PARD3B: variants seen among roughly 807,000 people sequenced by gnomAD.
PARD3B encodes the protein par-3 family cell polarity regulator beta.
Under a neutral mutation model 130.2 loss-of-function variants are expected in PARD3B, and 103 were observed. The observed-to-expected ratio is 0.79, with a 90% CI of 0.67 to 0.93. PARD3B has a LOEUF of 0.93. Ranked by LOEUF, PARD3B falls within the 40% of genes least tolerant of loss-of-function variation. The probability of loss-of-function intolerance (pLI) is 0.00; values close to 1 mark genes in which losing one functional copy is unlikely to be tolerated. For missense variants in PARD3B, 1,609 were observed against 1,499.2 expected (o/e 1.07, Z -1.21); for synonymous variants, 583 against 553.2 (o/e 1.05, Z -0.76).
chr2:204,894,434 G>A (rs1318658103), intron 2 of PARD3B, among the ~76,000 whole-genome samples: 2 of 151,096 alleles, frequency 1.3e-5, no homozygotes, highest in East Asian at 3.9e-4. Flanking sequence ...TATAGTGACA[G>A]GCATTTTTAC....
At chr2:204,990,291 G>C (rs1182566027) in intron 3 of PARD3B, among the ~76,000 whole-genome samples, 2 of 150,914 alleles carry the variant, frequency 1.3e-5, no homozygotes, top group East Asian at 2.0e-4. Context: ...ATAATTGTAC[G>C]TATTTTTGGA....
chr2:205,298,463 T>C (rs914893269), intron 16 of PARD3B, among the ~76,000 whole-genome samples: 2 of 147,958 alleles, frequency 1.4e-5, no homozygotes, highest in Admixed American at 1.4e-4. Flanking sequence ...GACTTGCAAG[T>C]AACACCTGAA....
intron 19 of PARD3B, among the ~76,000 whole-genome samples, chr2:205,436,148 A>G (rs769418462): frequency 2.0e-5 from 3 of 152,212 alleles, no homozygotes; most frequent in Admixed American, 1.3e-4. Context: ...TAGCCCATTT[A>G]TAAGATGTTA....
At chr2:204,547,472 T>A (rs972484380) in intron 1 of PARD3B, among the ~76,000 whole-genome samples, 1 of 152,100 alleles carries the variant, frequency 6.6e-6, no homozygotes, top group East Asian at 1.9e-4. Context: ...TGCAATGTTA[T>A]GTGTGTGTGT....
rs1490711672 is a variant in PARD3B at position 205,563,908 on chromosome 2, C to T, written c.3260+10505C>T. Among the ~76,000 whole-genome samples, 1 of 152,182 alleles carries T rather than the reference C, an allele frequency of 6.6e-6. No homozygotes were observed. Among genetic ancestry groups the T allele is most frequent in the Non-Finnish European group, 1.5e-5 (1 of 68,038 alleles). On this transcript the variant is annotated intron_variant, in intron 22 of 22. Coordinates refer to ENST00000406610, the MANE Select transcript of PARD3B (RefSeq NM_001302769.2). This position sits in a 1 kb window ranked among gnomAD's most constrained non-coding sequence, Gnocchi z 4.2. The stretch of plus-strand genomic sequence containing the variant: ...AGCCCCTAGATTGCACTCTGCACCA[C>T]TCCTCCACAGAACACTCAGAACAAG...
chr2:205,374,040 C>G (rs2044930545), intron 18 of PARD3B, among the ~76,000 whole-genome samples: 1 of 151,968 alleles, frequency 6.6e-6, no homozygotes, highest in Non-Finnish European at 1.5e-5. Context: ...TCATGAGAGT[C>G]TTGAGGATTG....
intron 21 of PARD3B, among the ~76,000 whole-genome samples, chr2:205,539,056 G>A (rs1379956711): frequency 6.6e-6 from 1 of 152,106 alleles, no homozygotes; most frequent in Non-Finnish European, 1.5e-5. Context: ...AACCACTATG[G>A]CACACTGTGT....
At chr2:205,045,460 C>T (rs909116672) in intron 3 of PARD3B, among the ~76,000 whole-genome samples, 1 of 151,996 alleles carries the variant, frequency 6.6e-6, no homozygotes, top group African/African-American at 2.4e-5. Flanking sequence ...GTTGGCCAGA[C>T]TGGTCTCGAA....
At chr2:204,568,532 T>C (rs2031810786) in intron 1 of PARD3B, among the ~76,000 whole-genome samples, 1 of 152,082 alleles carries the variant, frequency 6.6e-6, no homozygotes, top group Non-Finnish European at 1.5e-5. Context: ...TTAAGGAGGG[T>C]GTATGTATCA....
In PARD3B at chr2:204,610,107, C is replaced by T. The variant is rs1327329182; in HGVS notation, c.120+63988C>T. The stretch of plus-strand genomic sequence containing the variant: ...TTAATGCTGGCCAGTTATGCCTAAA[C>T]TCCCAGAGAGAAGAGGTTTAAGGAG... On this transcript the variant is annotated intron_variant, in intron 1 of 22. Transcript: ENST00000406610. This position sits in a 1 kb window ranked among gnomAD's most constrained non-coding sequence, Gnocchi z 4.1. 6.6e-6 allele frequency among the ~76,000 whole-genome samples: 1 copy of T among 152,012 alleles called. No homozygotes were observed. The highest frequency in any genetic ancestry group is 6.5e-5 in the Admixed American group (1 of 15,268).
At chr2:204,694,086 T>C (rs759009793) in intron 2 of PARD3B, among the ~76,000 whole-genome samples, 2 of 152,072 alleles carry the variant, frequency 1.3e-5, no homozygotes, top group Non-Finnish European at 2.9e-5. Flanking sequence ...CACATCGTAT[T>C]ATTGGGAAGG....
intron 2 of PARD3B, among the ~76,000 whole-genome samples, chr2:204,856,903 C>T (rs2044968641): frequency 6.6e-6 from 1 of 151,996 alleles, no homozygotes; most frequent in Non-Finnish European, 1.5e-5. Context: ...TTATGCCATC[C>T]AGTACCATGC....
intron 4 of PARD3B, 119 bp downstream of exon 4, chr2:205,047,809 T>C (rs1193763953): frequency 2.7e-5 from 18 of 671,862 alleles, no homozygotes; most frequent in Non-Finnish European, 4.6e-5. Context: ...TGATAGTATA[T>C]ATAGTATTAG....
intron 4 of PARD3B, among the ~76,000 whole-genome samples, chr2:205,051,857 G>C (rs145289389): frequency 2.6e-4 from 40 of 152,244 alleles, no homozygotes; most frequent in Non-Finnish European, 4.4e-4. Flanking sequence ...AAAGAAATTT[G>C]TTTCCTTTGT....
chr2:204,953,458 G>A (rs936261165), intron 2 of PARD3B, among the ~76,000 whole-genome samples: 4 of 147,514 alleles, frequency 2.7e-5, no homozygotes, highest in African/African-American at 1.0e-4. Flanking sequence ...GAGAGAGAGA[G>A]AGAGAGAGAA....
chr2:204,787,938 C>G (rs1054736856), intron 2 of PARD3B, among the ~76,000 whole-genome samples: 1 of 152,128 alleles, frequency 6.6e-6, no homozygotes, highest in Non-Finnish European at 1.5e-5. Flanking sequence ...AGACGGAGCT[C>G]CTGGGGGCCT....
chr2:204,643,842 A>C (rs186684926), intron 1 of PARD3B, among the ~76,000 whole-genome samples: 2 of 152,318 alleles, frequency 1.3e-5, no homozygotes, highest in Admixed American at 1.3e-4. Context: ...AGTGCTTTGC[A>C]TAAAATTCAG....
chr2:205,253,309 G>A lies in PARD3B; in HGVS notation c.2185+7487G>A, dbSNP rs74268598. ...ATGTATTAACACAAAGGCTCTGGCC[G>A]CCCCCCTACAAAGGAGGCCATGGAA... On this transcript the variant is annotated intron_variant, in intron 16 of 22. Coordinates refer to ENST00000406610, the MANE Select transcript of PARD3B (RefSeq NM_001302769.2). This position sits in a 1 kb window ranked among gnomAD's most constrained non-coding sequence, Gnocchi z 4.4. 6,016 of 513,244 alleles carry A rather than the reference G, an allele frequency of 0.012. 264 individuals are homozygous for A. The highest frequency in any genetic ancestry group is 0.098 in the East Asian group (1,918 of 19,584). The allele number at this position is 513,244 out of a possible 1,614,324, so 31.8% of individuals were successfully genotyped here.
At chr2:205,141,099 C>T (rs1421702434) in intron 10 of PARD3B, among the ~76,000 whole-genome samples, 1 of 152,080 alleles carries the variant, frequency 6.6e-6, no homozygotes, top group Non-Finnish European at 1.5e-5. Flanking sequence ...CAGTCATTAG[C>T]ATATTTGAAT....
Sources: gnomAD v4.1 joint callset for allele counts (sites outside exome capture counted in the v4.1 genomes callset) on GRCh38, gnomAD v4.1.1 for gene constraint, Gnocchi (gnomAD v3.1) non-coding constraint, MANE v1.5 for transcripts, NCBI Gene and HGNC (gene_info 2026-07-23, HGNC 2026-07-21) for gene names.